The following MINDY4 variants were observed in gnomAD, a reference collection of about 807,000 sequenced individuals.
The protein encoded by MINDY4 is probable ubiquitin carboxyl-terminal hydrolase MINDY-4.
Under a neutral mutation model 87.0 loss-of-function variants are expected in MINDY4, and 68 were observed. The ratio of observed to expected loss-of-function variants is 0.78; its 90% CI spans 0.64 to 0.96. The LOEUF (loss-of-function observed/expected upper bound fraction) is 0.96, where lower values mean the gene tolerates loss of function less well. Ranked by LOEUF, MINDY4 falls within the 40% of genes least tolerant of loss-of-function variation. The probability of loss-of-function intolerance (pLI) is 0.00; values close to 1 mark genes in which losing one functional copy is unlikely to be tolerated. For synonymous variants in MINDY4, 379 were observed against 363.2 expected (o/e 1.04, Z -0.50); for missense variants, 919 against 928.2 (o/e 0.99, Z 0.13).
At chr7:30,853,284 A>G (rs1789472161) in intron 11 of MINDY4, 110 bp from the exon 12 acceptor site, 1 of 838,562 alleles carries the variant, frequency 1.2e-6, no homozygotes, top group Non-Finnish European at 2.0e-6. Context: ...ACGCAGGGAC[A>G]TTCCCAAGTT....
intron 5 of MINDY4, among the ~76,000 whole-genome samples, chr7:30,815,113 G>A (rs1326391683): frequency 6.6e-6 from 1 of 152,172 alleles, no homozygotes; most frequent in Non-Finnish European, 1.5e-5. Context: ...CCCCAGAGTG[G>A]CTTCTCCTAG....
At chr7:30,841,285 C>G (rs1161431307) in intron 9 of MINDY4, among the ~76,000 whole-genome samples, 1 of 152,222 alleles carries the variant, frequency 6.6e-6, no homozygotes, top group Non-Finnish European at 1.5e-5. Context: ...CTCCCTGCAG[C>G]CGTTCAGTTT....
chr7:30,843,699 G>A (rs757192915), intron 9 of MINDY4, among the ~76,000 whole-genome samples: 66 of 149,832 alleles, frequency 4.4e-4, no homozygotes, highest in African/African-American at 1.6e-3. Context: ...GGATCCCAAG[G>A]GGGTGTCTGG....
chr7:30,824,906 AT>A (rs1788453533), intron 5 of MINDY4, among the ~76,000 whole-genome samples: 1 of 152,040 alleles, frequency 6.6e-6, no homozygotes, highest in African/African-American at 2.4e-5. Flanking sequence ...CAAGCCAAGG[AT>A]TCAGTTATTC....
At chr7:30,842,551 C>T (rs1347538724) in intron 9 of MINDY4, among the ~76,000 whole-genome samples, 2 of 152,178 alleles carry the variant, frequency 1.3e-5, no homozygotes, top group African/African-American at 2.4e-5. Context: ...GCAGAGTGTG[C>T]TTAGCAGGTC....
chr7:30,815,390 G>A (rs1217220232), intron 5 of MINDY4, among the ~76,000 whole-genome samples: 1 of 152,230 alleles, frequency 6.6e-6, no homozygotes, highest in East Asian at 1.9e-4. Context: ...GGCAGCCTTA[G>A]TGGCCCACCC....
chr7:30,887,898 C>T (rs563443987), intron 17 of MINDY4, among the ~76,000 whole-genome samples: 199 of 152,348 alleles, frequency 1.3e-3, no homozygotes, highest in Middle Eastern at 3.4e-3. Context: ...GGGATACCCA[C>T]GTGGCTCATC....
At chr7:30,858,957 A>C (rs1241195839) in intron 12 of MINDY4, 1 of 642,808 alleles carries the variant, frequency 1.6e-6, no homozygotes, top group African/African-American at 1.8e-5. Context: ...AGATGCTTGC[A>C]CCATAATGGA....
At chr7:30,870,972 C>T (rs1273943627) in intron 13 of MINDY4, among the ~76,000 whole-genome samples, 1 of 150,770 alleles carries the variant, frequency 6.6e-6, no homozygotes, top group East Asian at 2.0e-4. Flanking sequence ...AAGTGTGCCT[C>T]TCAGGGTAAT....
chr7:30,785,887 C>G lies in MINDY4; in HGVS notation c.558C>G (p.His186Gln). The change falls in exon 4 of 18, where the codon CAC (histidine) becomes CAG (glutamine). Residue 186 changes from histidine (H) to glutamine (Q), a missense_variant. Transcript: ENST00000265299. ...TSAWEKIDKL[H>Q]SEPSLDVKRM... ...CATGGGAGAAGATAGACAAGCTTCA[C>G]TCGGAGCCTTCCTTGGATGTGAAGA... The G allele has an allele frequency of 6.2e-7, 1 of 1,614,208 alleles. No individual in the cohort carries two copies. Among genetic ancestry groups the G allele is most frequent in the Non-Finnish European group, 8.5e-7 (1 of 1,180,044 alleles).
At chr7:30,862,762 C>G (rs962326829) in intron 13 of MINDY4, among the ~76,000 whole-genome samples, 5 of 152,214 alleles carry the variant, frequency 3.3e-5, no homozygotes, top group African/African-American at 4.8e-5. Context: ...ATACCTAGGT[C>G]CTCAGCGCAG....
At chr7:30,863,234 A>C (rs1363173790) in intron 13 of MINDY4, among the ~76,000 whole-genome samples, 1 of 152,242 alleles carries the variant, frequency 6.6e-6, no homozygotes, top group African/African-American at 2.4e-5. Context: ...GGTAGCAAAA[A>C]GAGACAGCTG....
chr7:30,794,043 A>G lies in MINDY4; in HGVS notation c.1073+2469A>G, dbSNP rs571812385. Among the ~76,000 whole-genome samples, 4 of 152,298 alleles carry G rather than the reference A, an allele frequency of 2.6e-5. No individual in the cohort carries two copies. In the South Asian group the frequency reaches 8.3e-4, roughly 32 times the overall value. On this transcript the variant is annotated intron_variant, in intron 5 of 17. Coordinates refer to ENST00000265299, the MANE Select transcript of MINDY4 (RefSeq NM_032222.3). ...CAGATCCAAGGGCACACAGACTGGC[A>G]AATGGAATATGGGCTGGATTTCAGC... is the stretch of plus-strand genomic sequence containing the variant.
chr7:30,858,960 A>T, intron 12 of MINDY4: 1 of 648,908 alleles, frequency 1.5e-6, no homozygotes, highest in South Asian at 1.5e-5. Context: ...TGCTTGCACC[A>T]TAATGGAGCT....
chr7:30,863,183 G>A (rs1028086795), intron 13 of MINDY4, among the ~76,000 whole-genome samples: 1 of 152,216 alleles, frequency 6.6e-6, no homozygotes, highest in African/African-American at 2.4e-5. Flanking sequence ...TGCCATTTCA[G>A]GGCAATCTGT....
intron 5 of MINDY4, among the ~76,000 whole-genome samples, chr7:30,814,467 G>T (rs1449747349): frequency 6.6e-6 from 1 of 152,182 alleles, no homozygotes; most frequent in Non-Finnish European, 1.5e-5. Flanking sequence ...CCATGGACCT[G>T]TGTGTCCTGG....
chr7:30,830,375 G>A (rs1788662604), intron 6 of MINDY4, among the ~76,000 whole-genome samples: 1 of 152,150 alleles, frequency 6.6e-6, no homozygotes, highest in African/African-American at 2.4e-5. Flanking sequence ...TCTGTGATGG[G>A]TTTCTGTATT....
intron 5 of MINDY4, among the ~76,000 whole-genome samples, chr7:30,796,116 C>G (rs1787478025): frequency 2.0e-5 from 2 of 101,762 alleles, no homozygotes; most frequent in Admixed American, 8.4e-5. Flanking sequence ...TGTTGGAGCA[C>G]TGTACTTTTT....
chr7:30,892,149 C>T lies in MINDY4; in HGVS notation c.*144C>T, dbSNP rs1790810450. On this transcript the variant is annotated 3_prime_UTR_variant, in exon 18 of 18. Transcript: ENST00000265299. ...GCAGAAGCATCCAGAGCCTCCCTGC[C>T]CCTTCCATGAAGGGCCCACCCAAGA... The T allele has an allele frequency of 4.8e-6, 4 of 838,534 alleles. 1 individual carries two copies. In the Admixed American group the frequency reaches 8.3e-5, roughly 17 times the overall value. The allele number at this position is 838,534 out of a possible 1,614,324, so 51.9% of individuals were successfully genotyped here.
Sources: allele counts gnomAD v4.1 joint callset (sites outside exome capture counted in the v4.1 genomes callset), GRCh38; gene constraint gnomAD v4.1.1; transcripts MANE v1.5; gene names NCBI Gene and HGNC (gene_info 2026-07-23, HGNC 2026-07-21).